Variants in DGKB observed in about 807,000 individuals in gnomAD.
DGKB encodes diacylglycerol kinase beta.
In DGKB, 67 loss-of-function variants were observed where a neutral mutation model predicts 114.3. The ratio of observed to expected loss-of-function variants is 0.59; its 90% CI spans 0.48 to 0.72. The LOEUF is 0.72. Among genes scored for constraint, DGKB ranks in the 30% least tolerant of loss-of-function variants. The pLI, the probability that DGKB is intolerant of heterozygous loss-of-function variation, is 0.00. For synonymous variants in DGKB, 398 were observed against 323.1 expected, an observed-to-expected ratio of 1.23 and a Z score of -2.49; for missense variants, 907 against 975.2, an observed-to-expected ratio of 0.93 and a Z score of 0.93.
At chr7:14,802,018 A>T (rs1842241248) in intron 2 of DGKB, among the ~76,000 whole-genome samples, 1 of 151,864 alleles carries the variant, frequency 6.6e-6, no homozygotes, top group African/African-American at 2.4e-5. Context: ...CCTGGAGAGA[A>T]ACACACAAAT....
At chr7:14,187,718 C>G (rs750950723) in intron 23 of DGKB, among the ~76,000 whole-genome samples, 1 of 152,072 alleles carries the variant, frequency 6.6e-6, no homozygotes, top group Non-Finnish European at 1.5e-5. Context: ...TTTATCCCTA[C>G]AAAAGCTACT....
rs369842265 is a variant in DGKB at position 14,574,215 on chromosome 7, G to A, written c.1767C>T (p.Gly589=). 242 of 1,611,650 alleles carry A rather than the reference G, an allele frequency of 1.5e-4. No homozygotes were observed. Among genetic ancestry groups the A allele is most frequent in the Non-Finnish European group, 1.8e-4 (214 of 1,178,866 alleles). Residue 589 remains glycine (G), a synonymous_variant, in exon 20 of 26, where the codon GGC becomes GGT. Transcript: ENST00000402815. ...YSIINNYFSI[G]VDASIAHRFH... ...AAAATTTAGTGGAGAATCTTACCAC[G>A]CCAATGGAAAAGTAATTATTGATGA...
At chr7:14,706,029 T>A (rs1410933399) in intron 6 of DGKB, among the ~76,000 whole-genome samples, 1 of 150,836 alleles carries the variant, frequency 6.6e-6, no homozygotes, top group Non-Finnish European at 1.5e-5. Flanking sequence ...GCAAATTGGA[T>A]AAAGAGTCAA....
intron 4 of DGKB, among the ~76,000 whole-genome samples, chr7:14,746,569 G>T (rs1833319277): frequency 6.6e-6 from 1 of 152,024 alleles, no homozygotes. Flanking sequence ...CGTGATCTTG[G>T]CTCACTGCAA....
At chr7:14,260,844 T>A (rs947189339) in intron 23 of DGKB, among the ~76,000 whole-genome samples, 9 of 152,212 alleles carry the variant, frequency 5.9e-5, no homozygotes, top group African/African-American at 2.2e-4. Flanking sequence ...TTGTTTTACA[T>A]CTACAAAAAG....
intron 13 of DGKB, among the ~76,000 whole-genome samples, chr7:14,642,255 C>A (rs1197978412): frequency 6.6e-6 from 1 of 151,928 alleles, no homozygotes; most frequent in Non-Finnish European, 1.5e-5. Context: ...CTTTAGTATT[C>A]TTGACCATCT....
intron 20 of DGKB, among the ~76,000 whole-genome samples, chr7:14,502,105 T>A (rs1377989220): frequency 2.0e-5 from 3 of 151,996 alleles, no homozygotes; most frequent in African/African-American, 7.2e-5. Context: ...TCTATTTATC[T>A]TAATGTCTTG....
chr7:14,329,257 C>T (rs1465263978), intron 23 of DGKB, among the ~76,000 whole-genome samples: 2 of 151,788 alleles, frequency 1.3e-5, no homozygotes, highest in Non-Finnish European at 2.9e-5. Context: ...CCTCCTAGCA[C>T]CCTTCTTAGA....
At chr7:14,294,530 T>C (rs1230681367) in intron 23 of DGKB, among the ~76,000 whole-genome samples, 2 of 152,200 alleles carry the variant, frequency 1.3e-5, no homozygotes, top group Non-Finnish European at 2.9e-5. Flanking sequence ...TGTTGGAATA[T>C]TGCAAACAGT....
chr7:14,256,112 C>T (rs1398283883), intron 23 of DGKB, among the ~76,000 whole-genome samples: 2 of 147,912 alleles, frequency 1.4e-5, no homozygotes, highest in Non-Finnish European at 1.5e-5. Flanking sequence ...AAAGAACTAG[C>T]TTGTTTGTTT....
chr7:14,614,953 C>CT (rs1203927751), intron 15 of DGKB, among the ~76,000 whole-genome samples: 4 of 152,062 alleles, frequency 2.6e-5, no homozygotes, highest in Non-Finnish European at 5.9e-5. Context: ...TGTCTATTAT[C>CT]TTTAAGCCAT....
chr7:14,789,785 C>T (rs1840409716), intron 2 of DGKB, among the ~76,000 whole-genome samples: 3 of 152,040 alleles, frequency 2.0e-5, no homozygotes. Context: ...TATTTTCATT[C>T]CTCCCAGAGT....
At chr7:14,250,033 C>T (rs1052616064) in intron 23 of DGKB, among the ~76,000 whole-genome samples, 1 of 151,816 alleles carries the variant, frequency 6.6e-6, no homozygotes, top group Admixed American at 6.6e-5. Flanking sequence ...TGGGTCACTA[C>T]AGCCTCAACC....
chr7:14,298,041 C>T (rs969213596), intron 23 of DGKB, among the ~76,000 whole-genome samples: 1 of 152,002 alleles, frequency 6.6e-6, no homozygotes, highest in Non-Finnish European at 1.5e-5. Context: ...AACAACTGCT[C>T]AAGGAAAGAA....
At chr7:14,888,083 T>C (rs937960402) in intron 1 of DGKB, among the ~76,000 whole-genome samples, 1 of 151,692 alleles carries the variant, frequency 6.6e-6, no homozygotes, top group African/African-American at 2.4e-5. Flanking sequence ...AGGACAGAGT[T>C]GCAACAAGGT....
At chr7:14,841,497 C>A (rs551510812) in intron 1 of DGKB, 47 bp from the exon 2 acceptor site, 10 of 380,326 alleles carry the variant, frequency 2.6e-5, no homozygotes, top group African/African-American at 1.9e-4. Flanking sequence ...AACATGATTG[C>A]ACAAAGGAAA....
chr7:14,297,539 T>C (rs1484577296), intron 23 of DGKB, among the ~76,000 whole-genome samples: 1 of 152,136 alleles, frequency 6.6e-6, no homozygotes, highest in Non-Finnish European at 1.5e-5. Context: ...AAAGTAGATA[T>C]TGATGAAACG....
chr7:14,540,244 A>C (rs1029977622), intron 20 of DGKB, among the ~76,000 whole-genome samples: 17 of 152,090 alleles, frequency 1.1e-4, no homozygotes, highest in Non-Finnish European at 8.8e-5. Flanking sequence ...CATGTGACAT[A>C]TTTACTATAA....
chr7:14,527,083 C>T (rs1005095271), intron 20 of DGKB, among the ~76,000 whole-genome samples: 1 of 152,068 alleles, frequency 6.6e-6, no homozygotes, highest in Non-Finnish European at 1.5e-5. Flanking sequence ...ATTTCAGCAT[C>T]GATTTCTGGT....
Sources: allele counts gnomAD v4.1 joint callset (sites outside exome capture counted in the v4.1 genomes callset), GRCh38; gene constraint gnomAD v4.1.1; transcripts MANE v1.5; gene names NCBI Gene and HGNC (gene_info 2026-07-23, HGNC 2026-07-21).